Variants in SCAF8 observed in about 807,000 individuals in gnomAD.
The protein encoded by SCAF8 is SR-related CTD associated factor 8, also known as SR-related and CTD-associated factor 8.
A neutral mutation model predicts 140.5 loss-of-function variants in SCAF8; 23 were observed. The observed-to-expected ratio is 0.16, with a 90% CI of 0.12 to 0.23. SCAF8 has a LOEUF of 0.23. Among genes scored for constraint, SCAF8 ranks in the 10% least tolerant of loss-of-function variants. The pLI is 1.00. For missense variants in SCAF8, 1,397 were observed against 1,555.7 expected (o/e 0.90, Z 1.72); for synonymous variants, 575 against 528.9 (o/e 1.09, Z -1.20).
At chr6:154,778,985 C>G (rs921165413) in intron 3 of SCAF8, among the ~76,000 whole-genome samples, 2 of 152,048 alleles carry the variant, frequency 1.3e-5, no homozygotes, top group Non-Finnish European at 2.9e-5. Flanking sequence ...GATTAAAGAT[C>G]TTTCTTTAAA....
intron 18 of SCAF8, among the ~76,000 whole-genome samples, chr6:154,829,753 A>G (rs2114694874): frequency 6.6e-6 from 1 of 152,208 alleles, no homozygotes; most frequent in Non-Finnish European, 1.5e-5. Flanking sequence ...CTAAAAATAC[A>G]GAAATTAGCC....
intron 1 of SCAF8, among the ~76,000 whole-genome samples, chr6:154,748,973 T>A (rs989296394): frequency 1.3e-5 from 2 of 152,170 alleles, no homozygotes; most frequent in Non-Finnish European, 2.9e-5. Flanking sequence ...GACGGAGTTT[T>A]CTCTGTCGCC....
intron 9 of SCAF8, 134 bp from the exon 10 acceptor site, chr6:154,807,936 G>T (rs1369935610): frequency 1.6e-5 from 11 of 707,470 alleles, no homozygotes; most frequent in Non-Finnish European, 2.2e-5. Context: ...CTTTATAAAT[G>T]ATTTAACATG....
intron 1 of SCAF8, chr6:154,741,857 A>T (rs369517291): frequency 1.4e-6 from 1 of 734,266 alleles, no homozygotes; most frequent in African/African-American, 1.7e-5. Flanking sequence ...AATGTAATCA[A>T]CCTTGACCTT....
rs1313576424 is a variant in SCAF8 at position 154,792,966 on chromosome 6, C to CAAT, written c.467_469dup (p.Asn156dup). 3.1e-6 allele frequency: 5 copies of CAAT among 1,611,510 alleles called. No homozygotes were observed. Among genetic ancestry groups the CAAT allele is most frequent in the Non-Finnish European group, 4.2e-6 (5 of 1,179,020 alleles). ...TGGCCAGCACTACCACTGCTATGAG[C>CAAT]AATACTCCAGGTATGTTGCTTTAAT... On this transcript the variant is annotated inframe_insertion, in exon 5 of 20. Transcript: ENST00000367178.
chr6:154,808,257 T>G (rs1317805178), intron 10 of SCAF8, 56 bp downstream of exon 10: 2 of 1,508,348 alleles, frequency 1.3e-6, no homozygotes, highest in Middle Eastern at 1.7e-4. Flanking sequence ...AAAGAAATCA[T>G]AAAATATTTT....
At chr6:154,806,514 T>C (rs963191398) in intron 9 of SCAF8, among the ~76,000 whole-genome samples, 1 of 152,188 alleles carries the variant, frequency 6.6e-6, no homozygotes, top group Admixed American at 6.5e-5. Flanking sequence ...AGGTAACCTC[T>C]TCTCTAATGG....
chr6:154,832,387 G>A lies in SCAF8; in HGVS notation c.2808G>A (p.Gly936=), dbSNP rs748092514. Reference sequence around the variant, plus strand: ...CGGGACTAATACCACAGGCACCTGGGCCAAGATTCCCTTTAATACAGCCTG... The same window carrying A: ...CGGGACTAATACCACAGGCACCTGGACCAAGATTCCCTTTAATACAGCCTG... ...IRPGLIPQAP[G]PRFPLIQPGI... The change falls in exon 20 of 20, where the codon GGG becomes GGA. Residue 936 remains glycine, a synonymous_variant. Coordinates refer to ENST00000367178, the MANE Select transcript of SCAF8 (RefSeq NM_014892.5). 6.2e-7 allele frequency: 1 copy of A among 1,614,008 alleles called. No individual in the cohort carries two copies. The highest frequency in any genetic ancestry group is 1.1e-5 in the South Asian group (1 of 91,074).
Position 154,807,208 on chromosome 6 carries a change from G to A in SCAF8, c.982-862G>A, listed in dbSNP as rs531452075. 6.6e-5 allele frequency among the ~76,000 whole-genome samples: 10 copies of A among 152,248 alleles called. No homozygotes were observed. The South Asian group carries it at 1.9e-3, about 28-fold the overall frequency. On this transcript the variant is annotated intron_variant, in intron 9 of 19. Transcript: ENST00000367178. Reference sequence around the variant, plus strand: ...AGTAAAAATAAACTTGAGAGAGAGCGAGTCTGTTGTAAGAATCTCACCTAC... The same window carrying A: ...AGTAAAAATAAACTTGAGAGAGAGCAAGTCTGTTGTAAGAATCTCACCTAC...
Position 154,831,029 on chromosome 6 carries a change from G to C in SCAF8, c.2248G>C (p.Ala750Pro), listed in dbSNP as rs201759775. 1.9e-6 allele frequency: 3 copies of C among 1,613,840 alleles called. No individual in the cohort carries two copies. Among genetic ancestry groups the C allele is most frequent in the Non-Finnish European group, 2.5e-6 (3 of 1,179,920 alleles). The change falls in exon 19 of 20, where the codon GCT becomes CCT. Residue 750 changes from alanine (A) to proline (P), a missense_variant. Transcript: ENST00000367178. ...TGTTGCCAGCAATCTTGCTACTTCCGCTCTGCCAGCTGGAAATGTTTTTAA... is the reference window on the plus strand; with the variant it reads ...TGTTGCCAGCAATCTTGCTACTTCCCCTCTGCCAGCTGGAAATGTTTTTAA... Reference protein sequence around the residue: ...GSVASNLATSALPAGNVFNAP... With the variant: ...GSVASNLATSPLPAGNVFNAP...
At position 154,733,768 on chromosome 6, in the gene SCAF8, G is replaced by A; in HGVS notation, c.-133G>A. On this transcript the variant is annotated 5_prime_UTR_variant, in exon 1 of 20. Transcript: ENST00000367178. ...CGCGTGCCCTTCCACTCCGCCCCGAGGTCGCAGCGGCCCGCTCTCCCGCCA... is the reference window on the plus strand; with the variant it reads ...CGCGTGCCCTTCCACTCCGCCCCGAAGTCGCAGCGGCCCGCTCTCCCGCCA... 7.3e-7 allele frequency: 1 copy of A among 1,365,098 alleles called. No homozygotes were observed. 84.6% of individuals were successfully genotyped at this position (1,365,098 alleles called of 1,614,324 possible). A position where few individuals can be genotyped will look rare whatever the true frequency, so the allele number is the denominator to read the frequency against.
rs909706345 is a variant in SCAF8 at position 154,763,074 on chromosome 6, TTTC to T, written c.31-10909_31-10907del. ...TCTTGTGTGTATTATAACTTATGGT[TTTC>T]TTCTTATTTCATCATTTACCAATCT... On this transcript the variant is annotated intron_variant, in intron 1 of 19. Transcript: ENST00000367178. Among the ~76,000 whole-genome samples, 6 of 152,188 alleles carry T rather than the reference TTTC, an allele frequency of 3.9e-5. 1 individual carries two copies. Among genetic ancestry groups the T allele is most frequent in the African/African-American group, 1.4e-4 (6 of 41,468 alleles).
chr6:154,772,028 G>A (rs1053256866), intron 1 of SCAF8, among the ~76,000 whole-genome samples: 1 of 152,140 alleles, frequency 6.6e-6, no homozygotes, highest in African/African-American at 2.4e-5. Flanking sequence ...ATACGAGTTG[G>A]TAGAGGGAGA....
At chr6:154,777,681 T>C (rs961599889) in intron 2 of SCAF8, among the ~76,000 whole-genome samples, 2 of 152,246 alleles carry the variant, frequency 1.3e-5, no homozygotes, top group Non-Finnish European at 2.9e-5. Flanking sequence ...CCAGTACTTA[T>C]TAGAAGTATT....
At chr6:154,741,977 T>C in intron 1 of SCAF8, 2 of 1,534,058 alleles carry the variant, frequency 1.3e-6, no homozygotes, top group South Asian at 1.2e-5. Context: ...TACTCCTGCT[T>C]GTACAGACTG....
At chr6:154,744,217 G>A (rs1778640566) in intron 1 of SCAF8, among the ~76,000 whole-genome samples, 1 of 152,114 alleles carries the variant, frequency 6.6e-6, no homozygotes, top group South Asian at 2.1e-4. Context: ...GCTTGAACCG[G>A]GGAGGGAGAG....
chr6:154,811,569 G>A (rs1383888154), intron 12 of SCAF8, among the ~76,000 whole-genome samples: 1 of 151,712 alleles, frequency 6.6e-6, no homozygotes, highest in Non-Finnish European at 1.5e-5. Context: ...TTAAGTTCTA[G>A]GGTACTTGTG....
intron 1 of SCAF8, among the ~76,000 whole-genome samples, chr6:154,753,836 T>C (rs1778900275): frequency 6.6e-6 from 1 of 152,176 alleles, no homozygotes; most frequent in East Asian, 1.9e-4. Flanking sequence ...GAGCATTTAT[T>C]ACCTTATTAC....
intron 1 of SCAF8, among the ~76,000 whole-genome samples, chr6:154,753,671 T>C (rs1390020969): frequency 2.6e-5 from 4 of 152,234 alleles, no homozygotes; most frequent in African/African-American, 9.6e-5. Flanking sequence ...AATGTACATA[T>C]TTATAATATT....
Sources: allele counts gnomAD v4.1 joint callset (sites outside exome capture counted in the v4.1 genomes callset), GRCh38; gene constraint gnomAD v4.1.1; transcripts MANE v1.5; gene names NCBI Gene and HGNC (gene_info 2026-07-23, HGNC 2026-07-21).